The following PTK7 variants were observed in gnomAD, a reference collection of about 807,000 sequenced individuals.
The protein encoded by PTK7 is inactive tyrosine-protein kinase 7.
A neutral mutation model predicts 116.6 loss-of-function variants in PTK7; 39 were observed. The ratio of observed to expected loss-of-function variants is 0.33; its 90% CI spans 0.26 to 0.44. PTK7 has a LOEUF of 0.44. Ranked by LOEUF, PTK7 falls within the 20% of genes least tolerant of loss-of-function variation. The pLI is 1.00. For synonymous variants in PTK7, 546 were observed against 563.6 expected, an observed-to-expected ratio of 0.97 and a Z score of 0.44; for missense variants, 1,169 against 1,425.6, an observed-to-expected ratio of 0.82 and a Z score of 2.90.
intron 17 of PTK7, among the ~76,000 whole-genome samples, chr6:43,157,362 A>ATTTT (rs1561990570): frequency 2.9e-4 from 10 of 34,236 alleles, no homozygotes; most frequent in African/African-American, 4.1e-4. Context: ...ATATATATAT[A>ATTTT]TATTTTTTTT....
At chr6:43,083,055 G>A (rs1766463165) in intron 1 of PTK7, among the ~76,000 whole-genome samples, 1 of 152,248 alleles carries the variant, frequency 6.6e-6, no homozygotes, top group Non-Finnish European at 1.5e-5. Context: ...AGACTCGTCT[G>A]GGATAGAGGT....
chr6:43,083,820 A>G (rs1766504985), intron 1 of PTK7, among the ~76,000 whole-genome samples: 1 of 152,242 alleles, frequency 6.6e-6, no homozygotes, highest in South Asian at 2.1e-4. Flanking sequence ...TAAGCGGGAT[A>G]TGCACTCACA....
chr6:43,106,590 C>T (rs1248781035), intron 1 of PTK7, among the ~76,000 whole-genome samples: 1 of 151,650 alleles, frequency 6.6e-6, no homozygotes, highest in Non-Finnish European at 1.5e-5. Flanking sequence ...TGAGCCACCA[C>T]ACCCGCCCCT....
At chr6:43,097,407 C>T (rs902140502) in intron 1 of PTK7, among the ~76,000 whole-genome samples, 2 of 152,190 alleles carry the variant, frequency 1.3e-5, no homozygotes, top group African/African-American at 4.8e-5. Flanking sequence ...GCTTGTATAT[C>T]TGTAGGACAA....
At chr6:43,115,860 G>A (rs1160908061) in intron 1 of PTK7, among the ~76,000 whole-genome samples, 1 of 150,582 alleles carries the variant, frequency 6.6e-6, no homozygotes, top group African/African-American at 2.5e-5. Flanking sequence ...CCCAGGAGGC[G>A]GAGGTTGCAG....
rs1037319325 is a variant in PTK7, at chr6:43,111,241, G to A, written c.80-17736G>A. Among the ~76,000 whole-genome samples, 21 of 152,194 alleles carry A rather than the reference G, an allele frequency of 1.4e-4. 1 individual carries two copies. The highest frequency in any genetic ancestry group is 1.5e-5 in the Non-Finnish European group (1 of 68,036). ...GCCAGCAATCAGTAGCTACCCCTCTGAACTTCACCAGCACAGGGTGGCACC... is the reference window on the plus strand; with the variant it reads ...GCCAGCAATCAGTAGCTACCCCTCTAAACTTCACCAGCACAGGGTGGCACC... On this transcript the variant is annotated intron_variant, in intron 1 of 19. Coordinates refer to ENST00000230419, the MANE Select transcript of PTK7 (RefSeq NM_002821.5).
chr6:43,082,490 A>G (rs931731206), intron 1 of PTK7, among the ~76,000 whole-genome samples: 3 of 152,126 alleles, frequency 2.0e-5, no homozygotes, highest in Non-Finnish European at 4.4e-5. Flanking sequence ...TCTGCATTTT[A>G]ACAAGATGCT....
At chr6:43,080,490 T>C (rs1368718874) in intron 1 of PTK7, among the ~76,000 whole-genome samples, 1 of 152,234 alleles carries the variant, frequency 6.6e-6, no homozygotes, top group Non-Finnish European at 1.5e-5. Context: ...CCCAGTGTTT[T>C]TGATCCTCTG....
intron 1 of PTK7, among the ~76,000 whole-genome samples, chr6:43,082,355 T>G (rs779842905): frequency 6.6e-6 from 1 of 152,002 alleles, no homozygotes; most frequent in Non-Finnish European, 1.5e-5. Context: ...TTTTTGTATT[T>G]TTAGTAGAGA....
At chr6:43,136,464 G>A (rs976038104) in intron 7 of PTK7, among the ~76,000 whole-genome samples, 2 of 152,192 alleles carry the variant, frequency 1.3e-5, no homozygotes, top group Non-Finnish European at 1.5e-5. Context: ...GGGTGTACAC[G>A]TTTGCAGTCA....
rs1766062299 is a variant in PTK7, at chr6:43,076,993, G to A, written c.79+426G>A. ...CCCGGCAGGGTCGGCCCAGGTAAGAGTTGCTGGTTTGGGGCCCGATGCCGG... is the reference window on the plus strand; with the variant it reads ...CCCGGCAGGGTCGGCCCAGGTAAGAATTGCTGGTTTGGGGCCCGATGCCGG... On this transcript the variant is annotated intron_variant, in intron 1 of 19. Coordinates refer to ENST00000230419, the MANE Select transcript of PTK7 (RefSeq NM_002821.5). The surrounding 1 kb of genome is among the most constrained non-coding windows in gnomAD (Gnocchi z 5.7). 4 of 1,471,092 alleles carry A rather than the reference G, an allele frequency of 2.7e-6. No homozygotes were observed. Among genetic ancestry groups the A allele is most frequent in the African/African-American group, 1.4e-5 (1 of 70,746 alleles). 91.1% of individuals were successfully genotyped at this position (1,471,092 alleles called of 1,614,324 possible).
chr6:43,159,036 A>G, intron 18 of PTK7, 68 bp downstream of exon 18: 1 of 1,583,868 alleles, frequency 6.3e-7, no homozygotes, highest in East Asian at 2.2e-5. Flanking sequence ...GAGGACAGAT[A>G]GTTTGGGGGG....
chr6:43,096,589 G>A (rs535940527), intron 1 of PTK7, among the ~76,000 whole-genome samples: 1 of 152,336 alleles, frequency 6.6e-6, no homozygotes, highest in South Asian at 2.1e-4. Flanking sequence ...ATAAAGAGGT[G>A]GAGATGTGAA....
Position 43,159,836 on chromosome 6 carries a change from C to T in PTK7, c.2922C>T (p.Ser974=), listed in dbSNP as rs538535243. Reference sequence around the variant, plus strand: ...CCTGGGTGCCGCTGCGCTGGATGTCCCCCGAGGCCATCCTGGAGGGTGACT... The same window carrying T: ...CCTGGGTGCCGCTGCGCTGGATGTCTCCCGAGGCCATCCTGGAGGGTGACT... ...RQAWVPLRWM[S]PEAILEGDFS... The change falls in exon 19 of 20, where the codon TCC becomes TCT. Residue 974 remains serine, a synonymous_variant. Coordinates refer to ENST00000230419, the MANE Select transcript of PTK7 (RefSeq NM_002821.5). 3.7e-6 allele frequency: 6 copies of T among 1,614,242 alleles called. No individual in the cohort carries two copies. In the African/African-American group the frequency reaches 8.0e-5, roughly 22 times the overall value.
At chr6:43,094,758 A>C (rs950818774) in intron 1 of PTK7, among the ~76,000 whole-genome samples, 2 of 151,950 alleles carry the variant, frequency 1.3e-5, no homozygotes, top group African/African-American at 4.8e-5. Flanking sequence ...GATTACAGGC[A>C]TGAGCTACTG....
At position 43,076,535 on chromosome 6, in the gene PTK7, T is replaced by C. The variant is rs910975535; in HGVS notation, c.47T>C (p.Leu16Pro). ...CCGGCCAGACCCCGCCGGTTGCCTC[T>C]GCTCAGCGTCCTGCTGCTGCCGCTG... ...GSPARPRRLPLLSVLLLPLLG... is the reference protein window; with the variant it reads ...GSPARPRRLPPLSVLLLPLLG... The change falls in exon 1 of 20, where the codon CTG becomes CCG. Residue 16 changes from leucine to proline, a missense_variant. By Grantham distance (98) the Leu-to-Pro change is moderately conservative. Coordinates refer to ENST00000230419, the MANE Select transcript of PTK7 (RefSeq NM_002821.5). This position sits in a 1 kb window ranked among gnomAD's most constrained non-coding sequence, Gnocchi z 5.7. The C allele has an allele frequency of 8.9e-6, 14 of 1,576,536 alleles. No homozygotes were observed. The highest frequency in any genetic ancestry group is 1.2e-5 in the Non-Finnish European group (14 of 1,166,288).
intron 17 of PTK7, among the ~76,000 whole-genome samples, chr6:43,156,212 G>A (rs980630960): frequency 2.2e-4 from 23 of 102,978 alleles, no homozygotes; most frequent in Non-Finnish European, 3.2e-4. Flanking sequence ...CTGGGTGACA[G>A]AGCAATACCC....
At chr6:43,106,269 G>T (rs1325179667) in intron 1 of PTK7, among the ~76,000 whole-genome samples, 1 of 152,046 alleles carries the variant, frequency 6.6e-6, no homozygotes, top group Non-Finnish European at 1.5e-5. Flanking sequence ...TTGTGCTTCT[G>T]ACTTGTTCTA....
intron 1 of PTK7, among the ~76,000 whole-genome samples, chr6:43,093,183 CTTTTTTTTTT>C (rs72414606): frequency 8.3e-5 from 7 of 84,772 alleles, no homozygotes; most frequent in East Asian, 7.5e-4. Flanking sequence ...ATAGGATCTC[CTTTTTTTTTT>C]TTTTTTTTTT....
Sources: gnomAD v4.1 joint callset for allele counts (sites outside exome capture counted in the v4.1 genomes callset) on GRCh38, gnomAD v4.1.1 for gene constraint, Gnocchi (gnomAD v3.1) non-coding constraint, MANE v1.5 for transcripts, NCBI Gene and HGNC (gene_info 2026-07-23, HGNC 2026-07-21) for gene names.